The following MICAL3 variants were observed in gnomAD, a reference collection of about 807,000 sequenced individuals.
The protein encoded by MICAL3 is microtubule associated monooxygenase, calponin and LIM domain containing 3.
Under a neutral mutation model 207.4 loss-of-function variants are expected in MICAL3, and 62 were observed. The observed-to-expected ratio is 0.30, with a 90% CI of 0.24 to 0.37. MICAL3 has a LOEUF of 0.37. Ranked by LOEUF, MICAL3 falls within the 10% of genes least tolerant of loss-of-function variation. The probability of loss-of-function intolerance (pLI) is 1.00; values close to 1 mark genes in which losing one functional copy is unlikely to be tolerated. For missense variants in MICAL3, 2,368 were observed against 2,635.6 expected (o/e 0.90, Z 2.22); for synonymous variants, 1,077 against 1,069.3 (o/e 1.01, Z -0.14).
intron 1 of MICAL3, among the ~76,000 whole-genome samples, chr22:18,007,702 C>G (rs1201331975): frequency 1.3e-5 from 2 of 151,704 alleles, no homozygotes; most frequent in Non-Finnish European, 2.9e-5. Context: ...GCCTGTAATC[C>G]CAGCACTTTG....
intron 16 of MICAL3, chr22:17,884,478 C>G: frequency 1.4e-6 from 1 of 710,794 alleles, no homozygotes. Context: ...TATCTGTGAA[C>G]TGTGGGGAAG....
intron 1 of MICAL3, among the ~76,000 whole-genome samples, chr22:17,920,367 C>T (rs142439754): frequency 6.6e-6 from 1 of 152,330 alleles, no homozygotes; most frequent in African/African-American, 2.4e-5. Flanking sequence ...TCCCCACCCT[C>T]CTAATGACCC....
intron 29 of MICAL3, among the ~76,000 whole-genome samples, chr22:17,798,132 C>T (rs1285925023): frequency 6.6e-6 from 1 of 152,256 alleles, no homozygotes; most frequent in African/African-American, 2.4e-5. Context: ...TAGTACCACA[C>T]ACAGAGGTGT....
intron 1 of MICAL3, among the ~76,000 whole-genome samples, chr22:17,914,910 AC>A (rs1932384102): frequency 6.6e-6 from 1 of 151,976 alleles, no homozygotes; most frequent in African/African-American, 2.4e-5. Flanking sequence ...ACCTAATACT[AC>A]TCCATCCATT....
chr22:17,861,352 A>C, intron 19 of MICAL3: 2 of 985,404 alleles, frequency 2.0e-6, no homozygotes, highest in East Asian at 1.1e-4. Context: ...TCATTTTTTA[A>C]CTTCAGATCA....
chr22:17,843,783 C>T (rs915047440), intron 19 of MICAL3, among the ~76,000 whole-genome samples: 6 of 152,292 alleles, frequency 3.9e-5, no homozygotes, highest in South Asian at 2.1e-4. Flanking sequence ...CTCTGGAGAG[C>T]GAACAGTCGT....
In MICAL3 at chr22:17,832,037, G is replaced by A. The variant is rs1205764061; in HGVS notation, c.2872C>T (p.Leu958=). Residue 958 remains leucine (L), a synonymous_variant, in exon 21 of 32, where the codon CTG becomes TTG. Transcript: ENST00000441493. ...EEEPRLPPSD[L]GGVPWKEAVR... ...GCCTCCTTCCACGGAACACCACCCA[G>A]GTCAGATGGGGGCAGGCGAGGCTCC... The A allele has an allele frequency of 3.1e-6, 5 of 1,604,632 alleles. No individual in the cohort carries two copies. The East Asian group carries it at 6.7e-5, about 22-fold the overall frequency.
At chr22:17,954,977 G>A (rs1168010859) in intron 1 of MICAL3, among the ~76,000 whole-genome samples, 2 of 152,054 alleles carry the variant, frequency 1.3e-5, no homozygotes, top group African/African-American at 4.8e-5. Context: ...TCCCACCTCG[G>A]CCTCGCAAAA....
At chr22:18,022,037 A>G (rs1924512938) in intron 1 of MICAL3, among the ~76,000 whole-genome samples, 1 of 152,148 alleles carries the variant, frequency 6.6e-6, no homozygotes, top group Non-Finnish European at 1.5e-5. Flanking sequence ...TTTCTAGTTT[A>G]TGTAAAATTT....
chr22:17,876,087 G>A (rs1184388687), intron 16 of MICAL3, among the ~76,000 whole-genome samples: 1 of 152,114 alleles, frequency 6.6e-6, no homozygotes, highest in Non-Finnish European at 1.5e-5. Flanking sequence ...TTAGTGCTCA[G>A]AGAGGCTCTG....
chr22:18,017,561 C>T (rs1924141868), intron 1 of MICAL3, among the ~76,000 whole-genome samples: 1 of 150,256 alleles, frequency 6.7e-6, no homozygotes, highest in African/African-American at 2.4e-5. Context: ...CAAATATTTC[C>T]CCCACTCTGT....
At chr22:17,998,544 A>T (rs964627354) in intron 1 of MICAL3, among the ~76,000 whole-genome samples, 9 of 138,708 alleles carry the variant, frequency 6.5e-5, no homozygotes, top group African/African-American at 2.3e-4. Flanking sequence ...TAATAATAAT[A>T]ATAATTATTA....
At chr22:17,913,864 G>A (rs1372236930) in intron 1 of MICAL3, among the ~76,000 whole-genome samples, 1 of 152,086 alleles carries the variant, frequency 6.6e-6, no homozygotes, top group Non-Finnish European at 1.5e-5. Flanking sequence ...ATCATAGCGA[G>A]GCACCCAATA....
At chr22:17,854,978 C>T (rs760460966) in intron 19 of MICAL3, among the ~76,000 whole-genome samples, 3 of 152,226 alleles carry the variant, frequency 2.0e-5, no homozygotes, top group Non-Finnish European at 4.4e-5. Flanking sequence ...GCTGTGTTCT[C>T]AACTCCTCTT....
intron 11 of MICAL3, among the ~76,000 whole-genome samples, chr22:17,892,192 CCAGA>C (rs1930449189): frequency 6.6e-6 from 1 of 152,234 alleles, no homozygotes; most frequent in African/African-American, 2.4e-5. Context: ...GGGCCCCAGA[CCAGA>C]CAGTCCCCGA....
intron 29 of MICAL3, among the ~76,000 whole-genome samples, chr22:17,806,621 C>T (rs1045947153): frequency 6.6e-6 from 1 of 152,246 alleles, no homozygotes; most frequent in African/African-American, 2.4e-5. Context: ...TGTGTACTGG[C>T]TGGATGCCGG....
chr22:17,864,517 G>A (rs1037157617), intron 19 of MICAL3: 58 of 1,433,098 alleles, frequency 4.0e-5, no homozygotes, highest in Non-Finnish European at 5.0e-5. Context: ...TCACCAGGGC[G>A]GGTGATGGGA....
At chr22:17,826,382 G>T in intron 22 of MICAL3, 1 of 867,380 alleles carries the variant, frequency 1.2e-6, no homozygotes, top group Non-Finnish European at 1.4e-6. Flanking sequence ...GGAGTCTAGT[G>T]TTAAGGTACC....
chr22:17,883,621 A>G (rs2146213269), intron 16 of MICAL3, among the ~76,000 whole-genome samples: 1 of 152,330 alleles, frequency 6.6e-6, no homozygotes, highest in East Asian at 1.9e-4. Flanking sequence ...TGGGGGTCCC[A>G]ATTCCTCTGC....
Sources: gnomAD v4.1 joint callset for allele counts (sites outside exome capture counted in the v4.1 genomes callset) on GRCh38, gnomAD v4.1.1 for gene constraint, MANE v1.5 for transcripts, NCBI Gene and HGNC (gene_info 2026-07-23, HGNC 2026-07-21) for gene names.